The following SLC4A3 variants were observed in gnomAD, a reference collection of about 807,000 sequenced individuals.
SLC4A3 encodes the protein solute carrier family 4 member 3.
SLC4A3 carries 47 observed loss-of-function variants against 114.2 expected under a neutral mutation model. The ratio of observed to expected loss-of-function variants is 0.41; its 90% CI spans 0.33 to 0.52. The LOEUF (loss-of-function observed/expected upper bound fraction) is 0.52, where lower values mean the gene tolerates loss of function less well. SLC4A3 is among the 20% of genes least tolerant of loss of function. The pLI, the probability that SLC4A3 is intolerant of heterozygous loss-of-function variation, is 0.21. For synonymous variants in SLC4A3, 693 were observed against 710.3 expected (o/e 0.98, Z 0.39); for missense variants, 1,312 against 1,668.3 (o/e 0.79, Z 3.72).
chr2:219,629,088 G>A (rs1574643658), intron 3 of SLC4A3, 56 bp from the exon 4 acceptor site: 2 of 1,515,788 alleles, frequency 1.3e-6, no homozygotes, highest in East Asian at 4.6e-5. Flanking sequence ...GCCCTCGGGT[G>A]GGGAGGGCCC....
intron 8 of SLC4A3, 106 bp downstream of exon 8, chr2:219,632,548 C>A: frequency 7.7e-7 from 1 of 1,292,612 alleles, no homozygotes; most frequent in Non-Finnish European, 1.0e-6. Flanking sequence ...AGGCAAGATC[C>A]AACTGCCACC....
Position 219,627,889 on chromosome 2 carries a change from T to A in SLC4A3, c.-93-11T>A. ...CAGCGCAAGGAACCTGACCCCGCCC[T>A]CCTCCCCCAGGGCTCCCCGCTAGGC... On this transcript the variant is annotated splice_polypyrimidine_tract_variant and intron_variant, in intron 1 of 22. Transcript: ENST00000358055. The A allele has an allele frequency of 8.5e-6, 7 of 828,370 alleles. No homozygotes were observed. Among genetic ancestry groups the A allele is most frequent in the Non-Finnish European group, 1.3e-5 (7 of 524,604 alleles). The allele number at this position is 828,370 out of a possible 1,614,324, so 51.3% of individuals were successfully genotyped here. A position where few individuals can be genotyped will look rare whatever the true frequency, so the allele number is the denominator to read the frequency against.
rs1699214983 is a variant in SLC4A3 at position 219,638,718 on chromosome 2, A to G, written c.2872A>G (p.Thr958Ala). 2.5e-6 allele frequency: 4 copies of G among 1,614,054 alleles called. No homozygotes were observed. The highest frequency in any genetic ancestry group is 1.1e-5 in the South Asian group (1 of 91,076). Residue 958 changes from threonine to alanine, a missense_variant, in exon 19 of 23, where the codon ACA becomes GCA. Coordinates refer to ENST00000358055, the MANE Select transcript of SLC4A3 (RefSeq NM_005070.4). This position sits in a 1 kb window ranked among gnomAD's most constrained non-coding sequence, Gnocchi z 7.5. ...TGCCATGCAGAAGCTGACAGTGCCT[A>G]CAGGGCTCTCAGTGACCTCTCCCGA... The part of the protein sequence containing the change: ...DTYTQKLTVP[T>A]GLSVTSPDKR...
chr2:219,638,393 G>A lies in SLC4A3; in HGVS notation c.2856+140G>A. Reference sequence around the variant, plus strand: ...GTGGAGTGGCCGCCCTGGGGGCTGAGGGCCTTCCCCAGGGAGCCTGAGTGA... The same window carrying A: ...GTGGAGTGGCCGCCCTGGGGGCTGAAGGCCTTCCCCAGGGAGCCTGAGTGA... On this transcript the variant is annotated intron_variant, in intron 18 of 22. Transcript: ENST00000358055. The surrounding 1 kb of genome is among the most constrained non-coding windows in gnomAD (Gnocchi z 7.5). 1 of 714,120 alleles carries A rather than the reference G, an allele frequency of 1.4e-6. No homozygotes were observed. The highest frequency in any genetic ancestry group is 2.4e-6 in the Non-Finnish European group (1 of 419,562). 44.2% of individuals were successfully genotyped at this position (714,120 alleles called of 1,614,324 possible). A position where few individuals can be genotyped will look rare whatever the true frequency, so the allele number is the denominator to read the frequency against.
In SLC4A3 at chr2:219,629,312, AG is replaced by A. The variant is rs760599959; in HGVS notation, c.392del (p.Gly131GlufsTer139). ...PSEGTPPIQE[E>X]GGAGVDEEEE... is the part of the protein sequence containing the mutation. ...GAGGGGACCCCTCCCATCCAGGAGG[AG>A]GGGGGAGCTGGAGTGGATGAGGAAG... On this transcript the variant is annotated frameshift_variant, in exon 4 of 23. Coordinates refer to ENST00000358055, the MANE Select transcript of SLC4A3 (RefSeq NM_005070.4). LOFTEE classifies it high-confidence loss of function. 1 of 1,613,014 alleles carries A rather than the reference AG, an allele frequency of 6.2e-7. No individual in the cohort carries two copies. The highest frequency in any genetic ancestry group is 1.7e-5 in the Admixed American group (1 of 59,896).
rs201461459 is a variant in SLC4A3 at position 219,635,447 on chromosome 2, G to C, written c.1923G>C (p.Gln641His). ...TTAGGAAGCGGCGAGAGCGTGAACA[G>C]ACCAAAGTCGAGATGACCACACGGG... ...ELLRKRRERE[Q>H]TKVEMTTRGG... Residue 641 changes from glutamine (Q) to histidine (H), a missense_variant, in exon 13 of 23, where the codon CAG becomes CAC. Physicochemically the swap from Gln to His is conservative, Grantham distance 24. Around this residue, in one of 4 missense-constraint regions of SLC4A3, gnomAD observed 771 missense variants for 977.7 expected, o/e 0.79. Coordinates refer to ENST00000358055, the MANE Select transcript of SLC4A3 (RefSeq NM_005070.4). 1.2e-4 allele frequency: 191 copies of C among 1,614,030 alleles called. No homozygotes were observed. Among genetic ancestry groups the C allele is most frequent in the Middle Eastern group, 1.7e-4 (1 of 6,058 alleles).
rs932342312 is a variant in SLC4A3 at position 219,627,729 on chromosome 2, G to C, written c.-110G>C. ...CGCGGCGGCCCGCCTGGGCCTCGCA[G>C]GCTCCGGAGCCCCGAGGTACCGCGG... On this transcript the variant is annotated 5_prime_UTR_variant, in exon 1 of 23. Transcript: ENST00000358055. 7.2e-6 allele frequency: 2 copies of C among 275,994 alleles called. No individual in the cohort carries two copies. Among genetic ancestry groups the C allele is most frequent in the Non-Finnish European group, 1.3e-5 (2 of 148,338 alleles). 17.1% of individuals were successfully genotyped at this position (275,994 alleles called of 1,614,324 possible). A position where few individuals can be genotyped will look rare whatever the true frequency, so the allele number is the denominator to read the frequency against.
At chr2:219,629,448 C>A in intron 4 of SLC4A3, 27 bp downstream of exon 4, 1 of 1,596,030 alleles carries the variant, frequency 6.3e-7, no homozygotes, top group Non-Finnish European at 8.6e-7. Flanking sequence ...GGAGGGGTGG[C>A]AGGTCAGGGG....
rs372183718 is a variant in SLC4A3, at chr2:219,632,927, G to T, written c.1195G>T (p.Val399Leu). 5.6e-6 allele frequency: 9 copies of T among 1,614,024 alleles called. No individual in the cohort carries two copies. The highest frequency in any genetic ancestry group is 7.6e-6 in the Non-Finnish European group (9 of 1,180,034). The change falls in exon 9 of 23, where the codon GTG (valine) becomes TTG (leucine). Residue 399 changes from valine to leucine, a missense_variant. Physicochemically the swap from Val to Leu is conservative, Grantham distance 32. This residue lies in a region of SLC4A3 where 771 missense variants were observed against 977.7 expected (regional missense o/e 0.79). Transcript: ENST00000358055. Reference sequence around the variant, plus strand: ...CACCCTGCCAGGCATTGCACACCTCGTGGTGGAGACCATGATTGTGTCTGA... The same window carrying T: ...CACCCTGCCAGGCATTGCACACCTCTTGGTGGAGACCATGATTGTGTCTGA... ...QTTLPGIAHL[V>L]VETMIVSDQI... is the part of the protein sequence containing the mutation.
intron 13 of SLC4A3, 49 bp from the exon 14 acceptor site, chr2:219,635,624 C>T (rs758341849): frequency 6.6e-7 from 1 of 1,518,078 alleles, no homozygotes; most frequent in Non-Finnish European, 9.0e-7. Context: ...CCCGGGGCCT[C>T]CGAGCCAGAG....
chr2:219,640,386 G>A (rs749711057), intron 20 of SLC4A3, 44 bp from the exon 21 acceptor site: 10 of 1,583,508 alleles, frequency 6.3e-6, no homozygotes, highest in Middle Eastern at 1.7e-4. Context: ...CCATCCTCAC[G>A]GGGGCTGTCT....
In SLC4A3 at chr2:219,633,270, C is replaced by T. The variant is rs374201447; in HGVS notation, c.1278-4C>T. ...CCTCACCTGCCTCACCCTGCCCCTT[C>T]CAGCCATCCCAACGATGACAAGGAC... On this transcript the variant is annotated splice_polypyrimidine_tract_variant and splice_region_variant and intron_variant, in intron 9 of 22. Coordinates refer to ENST00000358055, the MANE Select transcript of SLC4A3 (RefSeq NM_005070.4). 7.1e-6 allele frequency: 11 copies of T among 1,551,272 alleles called. No homozygotes were observed. In the African/African-American group the frequency reaches 1.4e-4, roughly 19 times the overall value.
At position 219,628,822 on chromosome 2, in the gene SLC4A3, A is replaced by ACCTTCC; in HGVS notation, c.217+264_217+269dup. ...GCTGGGCCTGGGCCCTTCCACGGTG[A>ACCTTCC]CCTTCCCCTTCCCCTTCGTCCCCAC... On this transcript the variant is annotated intron_variant, in intron 3 of 22. Coordinates refer to ENST00000358055, the MANE Select transcript of SLC4A3 (RefSeq NM_005070.4). This position sits in a 1 kb window ranked among gnomAD's most constrained non-coding sequence, Gnocchi z 4.8. 1.7e-6 allele frequency: 1 copy of ACCTTCC among 580,620 alleles called. No individual in the cohort carries two copies. The highest frequency in any genetic ancestry group is 3.0e-6 in the Non-Finnish European group (1 of 334,238). 36.0% of individuals were successfully genotyped at this position (580,620 alleles called of 1,614,324 possible).
Position 219,633,952 on chromosome 2 carries a change from G to T in SLC4A3, c.1534G>T (p.Asp512Tyr). 6.4e-7 allele frequency: 1 copy of T among 1,559,056 alleles called. No individual in the cohort carries two copies. Among genetic ancestry groups the T allele is most frequent in the Non-Finnish European group, 8.7e-7 (1 of 1,150,812 alleles). Reference sequence around the variant, plus strand: ...GAAGCTGCTGGAGAAGATCCCTGAAGATGCTGAGGCCACGGTTGTGCTTGT... The same window carrying T: ...GAAGCTGCTGGAGAAGATCCCTGAATATGCTGAGGCCACGGTTGTGCTTGT... ...SLKLLEKIPE[D>Y]AEATVVLVGC... Residue 512 changes from aspartate to tyrosine, a missense_variant, in exon 11 of 23, where the codon GAT (aspartate) becomes TAT (tyrosine). By Grantham distance (160) the Asp-to-Tyr change is radical. This residue lies in a region of SLC4A3 where 771 missense variants were observed against 977.7 expected (regional missense o/e 0.79). Transcript: ENST00000358055.
chr2:219,637,015 C>T lies in SLC4A3; in HGVS notation c.2535+141C>T. On this transcript the variant is annotated intron_variant, in intron 16 of 22. Transcript: ENST00000358055. This position sits in a 1 kb window ranked among gnomAD's most constrained non-coding sequence, Gnocchi z 4.6. ...TGGGAGTGAGGGGTTCTAGGGACAC[C>T]CTAGGCTAGGTCTGAGCTGAAGGGG... The T allele has an allele frequency of 1.3e-6, 1 of 779,688 alleles. No individual in the cohort carries two copies. The highest frequency in any genetic ancestry group is 2.0e-6 in the Non-Finnish European group (1 of 490,676). The allele number at this position is 779,688 out of a possible 1,614,324, so 48.3% of individuals were successfully genotyped here.
At chr2:219,627,789 C>T (rs1228603276) in intron 1 of SLC4A3, 44 bp downstream of exon 1, 22 of 424,440 alleles carry the variant, frequency 5.2e-5, no homozygotes, top group Non-Finnish European at 9.2e-5. Flanking sequence ...GGGACCCGGG[C>T]TGTCCCGGGC....
rs781271998 is a variant in SLC4A3 at position 219,635,457 on chromosome 2, G to C, written c.1933G>C (p.Glu645Gln). The change falls in exon 13 of 23, where the codon GAG becomes CAG. Residue 645 changes from glutamate (E) to glutamine (Q), a missense_variant. This residue lies in a region of SLC4A3 where 771 missense variants were observed against 977.7 expected (regional missense o/e 0.79). Coordinates refer to ENST00000358055, the MANE Select transcript of SLC4A3 (RefSeq NM_005070.4). ...KRREREQTKV[E>Q]MTTRGGYTAP... Reference sequence around the variant, plus strand: ...GCGAGAGCGTGAACAGACCAAAGTCGAGATGACCACACGGGGTGGCTACAC... The same window carrying C: ...GCGAGAGCGTGAACAGACCAAAGTCCAGATGACCACACGGGGTGGCTACAC... 2 of 1,613,858 alleles carry C rather than the reference G, an allele frequency of 1.2e-6. No homozygotes were observed. The highest frequency in any genetic ancestry group is 8.5e-7 in the Non-Finnish European group (1 of 1,179,878).
rs539093616 is a variant in SLC4A3 at position 219,630,781 on chromosome 2, G to C, written c.811+429G>C. On this transcript the variant is annotated intron_variant, in intron 6 of 22. Transcript: ENST00000358055. The surrounding 1 kb of genome is among the most constrained non-coding windows in gnomAD (Gnocchi z 6.9). ...TTCACTCCCATCCCACTACCCTTGG[G>C]GGGGGCCTGGCTGTGATCTCGGCAC... Among the ~76,000 whole-genome samples the C allele has an allele frequency of 1.8e-4, 27 of 152,186 alleles. No individual in the cohort carries two copies. The highest frequency in any genetic ancestry group is 7.8e-4 in the East Asian group (4 of 5,154).
intron 10 of SLC4A3, 117 bp from the exon 11 acceptor site, chr2:219,633,763 C>T (rs1699023543): frequency 8.8e-6 from 13 of 1,479,838 alleles, no homozygotes; most frequent in Non-Finnish European, 1.1e-5. Flanking sequence ...CAGTGCAGTA[C>T]CTGCCTACTC....
Sources: allele counts gnomAD v4.1 joint callset (sites outside exome capture counted in the v4.1 genomes callset), GRCh38; gene constraint gnomAD v4.1.1; regional missense constraint gnomAD v4.1.1; non-coding constraint Gnocchi (gnomAD v3.1); transcripts MANE v1.5; gene names NCBI Gene and HGNC (gene_info 2026-07-23, HGNC 2026-07-21).